EXOC4: variants seen among roughly 807,000 people sequenced by gnomAD.
EXOC4 encodes the protein SEC8-like 1.
Under a neutral mutation model 107.2 loss-of-function variants are expected in EXOC4, and 71 were observed. The ratio of observed to expected loss-of-function variants is 0.66; its 90% CI spans 0.55 to 0.81. The LOEUF is 0.81. Ranked by LOEUF, EXOC4 falls within the 30% of genes least tolerant of loss-of-function variation. The pLI is 0.00. For synonymous variants in EXOC4, 456 were observed against 441.2 expected (o/e 1.03, Z -0.42); for missense variants, 1,108 against 1,189.6 (o/e 0.93, Z 1.01).
At chr7:134,048,918 C>T (rs776759018) in intron 17 of EXOC4, among the ~76,000 whole-genome samples, 2 of 151,778 alleles carry the variant, frequency 1.3e-5, no homozygotes, top group Non-Finnish European at 2.9e-5. Flanking sequence ...CTTTCTTACC[C>T]TCAGGTCCAT....
chr7:133,348,952 A>G (rs1795846574), intron 5 of EXOC4, among the ~76,000 whole-genome samples: 1 of 152,188 alleles, frequency 6.6e-6, no homozygotes, highest in East Asian at 1.9e-4. Context: ...CCACATTGCA[A>G]GTAAAACCAA....
At chr7:133,424,289 G>T (rs751841264) in intron 7 of EXOC4, among the ~76,000 whole-genome samples, 1 of 152,116 alleles carries the variant, frequency 6.6e-6, no homozygotes, top group Non-Finnish European at 1.5e-5. Context: ...TCACTGTGAA[G>T]TTGTGCACCT....
intron 7 of EXOC4, among the ~76,000 whole-genome samples, chr7:133,468,095 T>G (rs535752522): frequency 6.6e-6 from 1 of 152,298 alleles, no homozygotes; most frequent in Non-Finnish European, 1.5e-5. Context: ...TGGGCTTTCT[T>G]TGCTAAGAGC....
chr7:133,595,487 T>C (rs961592738), intron 9 of EXOC4, among the ~76,000 whole-genome samples: 1 of 152,234 alleles, frequency 6.6e-6, no homozygotes, highest in Admixed American at 6.5e-5. Flanking sequence ...TGGGATGAAT[T>C]ATTTCTGATG....
At chr7:133,525,654 A>G (rs999050895) in intron 9 of EXOC4, among the ~76,000 whole-genome samples, 2 of 152,228 alleles carry the variant, frequency 1.3e-5, no homozygotes, top group Non-Finnish European at 2.9e-5. Flanking sequence ...GGTACAATAA[A>G]TAAGAAGATC....
chr7:133,535,391 A>T (rs888170592), intron 9 of EXOC4, among the ~76,000 whole-genome samples: 1 of 152,196 alleles, frequency 6.6e-6, no homozygotes, highest in Admixed American at 6.5e-5. Flanking sequence ...GATGCTAGAT[A>T]ATTATGAGAA....
intron 9 of EXOC4, among the ~76,000 whole-genome samples, chr7:133,578,243 G>A (rs965584300): frequency 1.3e-5 from 2 of 151,930 alleles, no homozygotes; most frequent in African/African-American, 2.4e-5. Flanking sequence ...TAGACTTATC[G>A]GGATTTTTAT....
chr7:133,669,702 A>T (rs748298154), intron 10 of EXOC4, among the ~76,000 whole-genome samples: 20 of 152,298 alleles, frequency 1.3e-4, no homozygotes, highest in Admixed American at 3.3e-4. Context: ...TATTTGGGGT[A>T]AGAGATGGTG....
At chr7:133,946,351 A>G (rs1800548636) in intron 14 of EXOC4, among the ~76,000 whole-genome samples, 1 of 151,984 alleles carries the variant, frequency 6.6e-6, no homozygotes, top group Non-Finnish European at 1.5e-5. Flanking sequence ...TGAGCTTCCC[A>G]CCCCCTGCCT....
At chr7:133,972,386 T>C (rs1266671302) in intron 14 of EXOC4, among the ~76,000 whole-genome samples, 2 of 152,232 alleles carry the variant, frequency 1.3e-5, no homozygotes, top group Non-Finnish European at 2.9e-5. Context: ...ATCCGTCATC[T>C]GAAGTACAAA....
chr7:133,275,897 C>G (rs1793979251), intron 2 of EXOC4, among the ~76,000 whole-genome samples: 1 of 151,382 alleles, frequency 6.6e-6, no homozygotes, highest in Admixed American at 6.6e-5. Flanking sequence ...CCTTGAATTC[C>G]TGGGCTCAAG....
At chr7:133,720,887 C>G (rs1025420325) in intron 10 of EXOC4, among the ~76,000 whole-genome samples, 1 of 152,142 alleles carries the variant, frequency 6.6e-6, no homozygotes, top group African/African-American at 2.4e-5. Flanking sequence ...TTAAATTTAT[C>G]TGATAATTTT....
chr7:133,735,249 A>G (rs1002204191), intron 10 of EXOC4, among the ~76,000 whole-genome samples: 4 of 149,822 alleles, frequency 2.7e-5, no homozygotes, highest in African/African-American at 9.8e-5. Flanking sequence ...AAAAAAAAAA[A>G]AAAGTTAAAG....
chr7:133,672,115 G>A (rs1793959343), intron 10 of EXOC4, among the ~76,000 whole-genome samples: 1 of 152,150 alleles, frequency 6.6e-6, no homozygotes, highest in African/African-American at 2.4e-5. Flanking sequence ...GTACAGGCCA[G>A]GCGTGGTGGC....
At chr7:133,827,731 A>G (rs75403156) in intron 11 of EXOC4, among the ~76,000 whole-genome samples, 3,755 of 152,292 alleles carry the variant, frequency 0.025, 162 homozygotes, top group African/African-American at 0.086. Flanking sequence ...TAAAGAATTC[A>G]TCTACTACAT....
the EXOC4 span, among the ~76,000 whole-genome samples, chr7:134,089,269 A>G: frequency 6.6e-6 from 1 of 152,168 alleles, no homozygotes; most frequent in Non-Finnish European, 1.5e-5. Flanking sequence ...CAATCCTTTA[A>G]CACTTTAGGC....
intron 9 of EXOC4, among the ~76,000 whole-genome samples, chr7:133,565,710 T>C (rs959070242): frequency 5.3e-5 from 8 of 152,232 alleles, no homozygotes; most frequent in Non-Finnish European, 5.9e-5. Context: ...GGTAAATTCA[T>C]TGTTTATCTG....
At chr7:133,622,804 A>G (rs1448875631) in intron 9 of EXOC4, among the ~76,000 whole-genome samples, 1 of 152,158 alleles carries the variant, frequency 6.6e-6, no homozygotes, top group Non-Finnish European at 1.5e-5. Flanking sequence ...TTCCTGCACT[A>G]CTGTGATCTG....
chr7:133,781,696 G>C (rs1258087053), intron 10 of EXOC4, among the ~76,000 whole-genome samples: 2 of 152,130 alleles, frequency 1.3e-5, no homozygotes, highest in African/African-American at 2.4e-5. Context: ...CCTTGCACTG[G>C]GCCTTCTTCA....
Sources: allele counts gnomAD v4.1 joint callset (sites outside exome capture counted in the v4.1 genomes callset), GRCh38; gene constraint gnomAD v4.1.1; transcripts MANE v1.5; gene names NCBI Gene and HGNC (gene_info 2026-07-23, HGNC 2026-07-21).